The following PHF24 variants were observed in gnomAD, a reference collection of about 807,000 sequenced individuals.
The protein encoded by PHF24 is Galpha inhibitory interacting protein.
In PHF24, 25 loss-of-function variants were observed where a neutral mutation model predicts 42.6. That is an observed-to-expected ratio of 0.59 (90% CI 0.43 to 0.82). PHF24 has a LOEUF of 0.82. Ranked by LOEUF, PHF24 falls within the 40% of genes least tolerant of loss-of-function variation. The pLI, the probability that PHF24 is intolerant of heterozygous loss-of-function variation, is 0.00. For missense variants in PHF24, 470 were observed against 538.1 expected (o/e 0.87, Z 1.25); for synonymous variants, 185 against 204.8 (o/e 0.90, Z 0.83).
the PHF24 span, among the ~76,000 whole-genome samples, chr9:34,826,728 T>C: frequency 9.4e-6 from 1 of 106,520 alleles, no homozygotes; most frequent in African/African-American, 2.9e-5. Context: ...TCTAGAAGGT[T>C]GGGGCCATTC....
chr9:34,785,269 A>G, the PHF24 span, among the ~76,000 whole-genome samples: 4 of 152,166 alleles, frequency 2.6e-5, no homozygotes, highest in African/African-American at 9.7e-5. Flanking sequence ...ATAAAAAGAG[A>G]CAAACTCTCT....
chr9:34,839,936 G>A, the PHF24 span, among the ~76,000 whole-genome samples: 1 of 152,158 alleles, frequency 6.6e-6, no homozygotes, highest in Admixed American at 6.5e-5. Flanking sequence ...AAAAGTGCAG[G>A]TTATAGGGAA....
the PHF24 span, among the ~76,000 whole-genome samples, chr9:34,671,093 A>G: frequency 6.6e-6 from 1 of 151,980 alleles, no homozygotes; most frequent in African/African-American, 2.4e-5. Flanking sequence ...TCCCTTATTG[A>G]CCCATTTTCC....
chr9:34,962,963 C>T (rs776841366), intron 1 of PHF24, among the ~76,000 whole-genome samples: 1 of 152,192 alleles, frequency 6.6e-6, no homozygotes, highest in Non-Finnish European at 1.5e-5. Flanking sequence ...CCTTTCTGTT[C>T]CTTGGAAACC....
chr9:34,732,955 GT>G, the PHF24 span, among the ~76,000 whole-genome samples: 2 of 152,028 alleles, frequency 1.3e-5, no homozygotes, highest in Admixed American at 1.3e-4. Flanking sequence ...TTTCTTTAAA[GT>G]TTTTTTGTTC....
chr9:34,739,214 C>G, the PHF24 span, among the ~76,000 whole-genome samples: 1 of 152,144 alleles, frequency 6.6e-6, no homozygotes, highest in Non-Finnish European at 1.5e-5. Context: ...AAAACAAGAT[C>G]TCATTTTCAT....
the PHF24 span, among the ~76,000 whole-genome samples, chr9:34,682,249 G>A: frequency 6.6e-6 from 1 of 150,784 alleles, no homozygotes; most frequent in Non-Finnish European, 1.5e-5. Context: ...CAAAGTGCAG[G>A]GATTACAGTC....
At chr9:34,736,862 GA>G in the PHF24 span, among the ~76,000 whole-genome samples, 212 of 152,172 alleles carry the variant, frequency 1.4e-3, 2 homozygotes, top group Middle Eastern at 0.027. Flanking sequence ...TAAAGCACTG[GA>G]AAAAAATGTG....
At chr9:34,760,381 G>T in the PHF24 span, among the ~76,000 whole-genome samples, 13 of 152,172 alleles carry the variant, frequency 8.5e-5, no homozygotes, top group African/African-American at 3.1e-4. Context: ...AAAGAGCTTC[G>T]CTGTGTCTCA....
the PHF24 span, among the ~76,000 whole-genome samples, chr9:34,910,075 G>A: frequency 6.6e-6 from 1 of 152,204 alleles, no homozygotes; most frequent in Non-Finnish European, 1.5e-5. Flanking sequence ...TAAAATTGTG[G>A]AAGGTCAGAG....
At chr9:34,815,543 C>CT in the PHF24 span, among the ~76,000 whole-genome samples, 1 of 152,138 alleles carries the variant, frequency 6.6e-6, no homozygotes, top group Non-Finnish European at 1.5e-5. Context: ...AGGATGGTCT[C>CT]TATCTCCTCA....
chr9:34,971,217 G>A, intron 1 of PHF24, 78 bp from the exon 2 acceptor site: 1 of 1,487,496 alleles, frequency 6.7e-7, no homozygotes, highest in Non-Finnish European at 9.1e-7. Context: ...AATAGCCCTT[G>A]CCACTTAGGT....
At chr9:34,932,263 G>A in the PHF24 span, among the ~76,000 whole-genome samples, 1 of 152,248 alleles carries the variant, frequency 6.6e-6, no homozygotes, top group Non-Finnish European at 1.5e-5. Context: ...AGGAAACTAA[G>A]CCCATTTTTT....
upstream of PHF24, chr9:34,957,840 C>T (rs1283665651): frequency 6.6e-6 from 1 of 152,284 alleles, no homozygotes; most frequent in African/African-American, 2.4e-5. Flanking sequence ...CCCACCCAAC[C>T]CCCGGCGCGG....
the PHF24 span, among the ~76,000 whole-genome samples, chr9:34,713,325 A>G: frequency 6.6e-6 from 1 of 152,204 alleles, no homozygotes; most frequent in East Asian, 1.9e-4. Context: ...GAACCAGAAG[A>G]CAAACCCAAA....
the PHF24 span, chr9:34,724,313 T>G: frequency 3.2e-6 from 5 of 1,551,450 alleles, no homozygotes; most frequent in East Asian, 1.2e-4. Flanking sequence ...GGATTGCTTT[T>G]GGTTCTGCTG....
At chr9:34,799,190 A>T in the PHF24 span, among the ~76,000 whole-genome samples, 15 of 152,204 alleles carry the variant, frequency 9.9e-5, no homozygotes, top group African/African-American at 3.6e-4. Context: ...TAGAATCTGA[A>T]AAAGCAAACA....
intron 3 of PHF24, among the ~76,000 whole-genome samples, chr9:34,975,091 A>ATC (rs1827139519): frequency 6.6e-6 from 1 of 152,210 alleles, no homozygotes; most frequent in Non-Finnish European, 1.5e-5. Flanking sequence ...GCAGCCAGAG[A>ATC]TCTGACCACG....
At chr9:34,936,974 A>G in the PHF24 span, among the ~76,000 whole-genome samples, 2 of 118,242 alleles carry the variant, frequency 1.7e-5, no homozygotes, top group Non-Finnish European at 1.8e-5. Context: ...TCCGGGAGGG[A>G]GGTGGGGGTC....
Sources: allele counts gnomAD v4.1 joint callset (sites outside exome capture counted in the v4.1 genomes callset), GRCh38; gene constraint gnomAD v4.1.1; transcripts MANE v1.5; gene names NCBI Gene and HGNC (gene_info 2026-07-23, HGNC 2026-07-21).